Variants in SPIRE1 observed in about 807,000 individuals in gnomAD.
The protein encoded by SPIRE1 is spire type actin nucleation factor 1.
A neutral mutation model predicts 94.1 loss-of-function variants in SPIRE1; 40 were observed. That is an observed-to-expected ratio of 0.43 (90% confidence interval 0.33 to 0.55). The LOEUF is 0.55. SPIRE1 is among the 20% of genes least tolerant of loss of function. The pLI is 0.06. For missense variants in SPIRE1, 838 were observed against 975.2 expected, an observed-to-expected ratio of 0.86 and a Z score of 1.87; for synonymous variants, 376 against 371.7, an observed-to-expected ratio of 1.01 and a Z score of -0.13.
At chr18:12,556,753 G>A (rs184004632) in intron 2 of SPIRE1, among the ~76,000 whole-genome samples, 248 of 152,240 alleles carry the variant, frequency 1.6e-3, no homozygotes, top group African/African-American at 5.7e-3. Flanking sequence ...AGACCTTGGC[G>A]GTGAGTGTTA....
At position 12,463,435 on chromosome 18, in the gene SPIRE1, G is replaced by A. The variant is rs762808543; in HGVS notation, c.1554C>T (p.Pro518=). The A allele has an allele frequency of 6.2e-7, 1 of 1,614,000 alleles. No homozygotes were observed. The highest frequency in any genetic ancestry group is 8.5e-7 in the Non-Finnish European group (1 of 1,179,948). The part of the protein sequence containing the change: ...STPQPERRQP[P]QRRHSIEKET... ...CCTTTTCAATGGAATGTCGTCTCTG[G>A]GGTGGCTGCCGTCTCTCTGGCTGGG... The change falls in exon 12 of 17, where the codon CCC becomes CCT. Residue 518 remains proline, a synonymous_variant. Transcript: ENST00000409402.
intron 1 of SPIRE1, among the ~76,000 whole-genome samples, chr18:12,637,359 A>G (rs1325426882): frequency 5.6e-5 from 2 of 35,550 alleles, no homozygotes; most frequent in African/African-American, 1.3e-4. Flanking sequence ...ACTCTGTCTC[A>G]AAAAAAAAAA....
At chr18:12,629,501 T>C (rs898165653) in intron 2 of SPIRE1, among the ~76,000 whole-genome samples, 3 of 152,158 alleles carry the variant, frequency 2.0e-5, no homozygotes, top group Non-Finnish European at 2.9e-5. Context: ...TATAAATTAG[T>C]AGTCTGAGCT....
At chr18:12,658,535 T>C (rs1438180534), upstream of SPIRE1, 1 of 470,308 alleles carries the variant, frequency 2.1e-6, no homozygotes, top group Non-Finnish European at 4.4e-6. Context: ...GTCACCGCCC[T>C]GCACAGCGGG....
intron 2 of SPIRE1, among the ~76,000 whole-genome samples, chr18:12,600,903 G>A (rs558369052): frequency 2.0e-5 from 3 of 151,878 alleles, no homozygotes; most frequent in African/African-American, 7.3e-5. Context: ...TTGTGTTTTT[G>A]TAGAGATGAG....
rs76271105 is a variant in SPIRE1, at chr18:12,522,430, C to T, written c.730-9899G>A. Among the ~76,000 whole-genome samples, 6 of 152,274 alleles carry T rather than the reference C, an allele frequency of 3.9e-5. No individual in the cohort carries two copies. In the East Asian group the frequency reaches 5.8e-4, roughly 15 times the overall value. ...TAGGTTTAAGAAAAAAAGTTGTCAT[C>T]GCTCGATAAAAGTGCAAGGTGAAGC... On this transcript the variant is annotated intron_variant, in intron 4 of 16. Coordinates refer to ENST00000409402, the MANE Select transcript of SPIRE1 (RefSeq NM_001128626.2).
chr18:12,503,744 C>A (rs943314482), intron 6 of SPIRE1, among the ~76,000 whole-genome samples: 1 of 147,802 alleles, frequency 6.8e-6, no homozygotes, highest in Non-Finnish European at 1.5e-5. Context: ...GTCCTTAACA[C>A]ATATATGTTA....
At chr18:12,590,671 G>A (rs948673855) in intron 2 of SPIRE1, among the ~76,000 whole-genome samples, 7 of 152,080 alleles carry the variant, frequency 4.6e-5, no homozygotes, top group African/African-American at 1.7e-4. Context: ...TGGAGGCCTC[G>A]AGGGCTAGAT....
chr18:12,470,398 G>A (rs549893668), intron 10 of SPIRE1, among the ~76,000 whole-genome samples: 1 of 152,132 alleles, frequency 6.6e-6, no homozygotes, highest in Non-Finnish European at 1.5e-5. Context: ...TAAATTTTAC[G>A]TTGCTCCCCC....
chr18:12,601,862 A>G lies in SPIRE1; in HGVS notation c.372+33200T>C, dbSNP rs182316600. Among the ~76,000 whole-genome samples, 4 of 152,142 alleles carry G rather than the reference A, an allele frequency of 2.6e-5. No homozygotes were observed. In the East Asian group the frequency reaches 7.7e-4, roughly 29 times the overall value. On this transcript the variant is annotated intron_variant, in intron 2 of 16. Transcript: ENST00000409402. ...GCTGCACCACCTTATCAGGCTTTGT[A>G]TGCTTCCTTATACCTGGCACAACAA...
chr18:12,581,320 T>C (rs1399580494), intron 2 of SPIRE1, among the ~76,000 whole-genome samples: 2 of 152,212 alleles, frequency 1.3e-5, no homozygotes, highest in Admixed American at 6.5e-5. Context: ...TGAACTAAAG[T>C]GACTTTCATC....
intron 1 of SPIRE1, among the ~76,000 whole-genome samples, chr18:12,639,441 T>C (rs1231309200): frequency 6.6e-6 from 1 of 152,104 alleles, no homozygotes; most frequent in Admixed American, 6.6e-5. Context: ...TGTTGTTGAA[T>C]TGAGGAATGC....
At position 12,609,681 on chromosome 18, in the gene SPIRE1, C is replaced by G. The variant is rs79295561; in HGVS notation, c.372+25381G>C. 2.9e-3 allele frequency among the ~76,000 whole-genome samples: 446 copies of G among 152,286 alleles called. 1 individual carries two copies. The highest frequency in any genetic ancestry group is 4.4e-3 in the Non-Finnish European group (299 of 68,024). ...CTCTCCAGCATCCAAAGCCTCACCA[C>G]CCTATTTGAGCACCTATCAGAACCA... On this transcript the variant is annotated intron_variant, in intron 2 of 16. Transcript: ENST00000409402.
chr18:12,475,146 T>TG (rs1423278079), intron 10 of SPIRE1, among the ~76,000 whole-genome samples: 5 of 152,182 alleles, frequency 3.3e-5, no homozygotes, highest in Non-Finnish European at 7.3e-5. Flanking sequence ...CAACATGCTG[T>TG]GGCACAGCCC....
intron 2 of SPIRE1, among the ~76,000 whole-genome samples, chr18:12,581,721 G>A (rs546669677): frequency 4.6e-5 from 7 of 152,138 alleles, no homozygotes; most frequent in African/African-American, 1.4e-4. Context: ...AAAATTAGCC[G>A]GGCATGGTGG....
intron 4 of SPIRE1, among the ~76,000 whole-genome samples, chr18:12,514,675 C>A (rs989010010): frequency 6.6e-6 from 1 of 152,134 alleles, no homozygotes; most frequent in Admixed American, 6.6e-5. Context: ...AATCTATGTT[C>A]TCCTCTAAAT....
intron 1 of SPIRE1, among the ~76,000 whole-genome samples, chr18:12,636,550 A>G (rs921965084): frequency 4.6e-5 from 7 of 152,084 alleles, no homozygotes; most frequent in African/African-American, 1.7e-4. Context: ...ATAAAAGAAG[A>G]CAACCACAAC....
intron 5 of SPIRE1, among the ~76,000 whole-genome samples, chr18:12,510,141 A>G (rs994893494): frequency 6.6e-6 from 1 of 152,004 alleles, no homozygotes; most frequent in African/African-American, 2.4e-5. Context: ...TTTATATAAA[A>G]TTCTAGAAAG....
intron 10 of SPIRE1, among the ~76,000 whole-genome samples, chr18:12,467,521 T>C (rs1431048274): frequency 2.0e-5 from 3 of 152,222 alleles, no homozygotes; most frequent in Admixed American, 1.3e-4. Context: ...AGGAGTCATA[T>C]ACAGTACTTC....
Sources: gnomAD v4.1 joint callset for allele counts (sites outside exome capture counted in the v4.1 genomes callset) on GRCh38, gnomAD v4.1.1 for gene constraint, MANE v1.5 for transcripts, NCBI Gene and HGNC (gene_info 2026-07-23, HGNC 2026-07-21) for gene names.